Variants in TRAPPC9 observed in about 807,000 individuals in gnomAD.
TRAPPC9 encodes IKK2 binding protein.
Under a neutral mutation model 124.0 loss-of-function variants are expected in TRAPPC9, and 83 were observed. The ratio of observed to expected loss-of-function variants is 0.67; its 90% CI spans 0.56 to 0.80. TRAPPC9 has a LOEUF of 0.80. Ranked by LOEUF, TRAPPC9 falls within the 30% of genes least tolerant of loss-of-function variation. The pLI is 0.00. For missense variants in TRAPPC9, 1,302 were observed against 1,508.3 expected, an observed-to-expected ratio of 0.86 and a Z score of 2.27; for synonymous variants, 638 against 617.5, an observed-to-expected ratio of 1.03 and a Z score of -0.49.
In TRAPPC9 at chr8:139,849,547, A is replaced by G. The variant is rs1827314233; in HGVS notation, c.3055+36332T>C. ...GAATAACTATACTTTTATAATGTAA[A>G]TGTATTACATTACAATATTAAACAG... On this transcript the variant is annotated intron_variant, in intron 21 of 22. Transcript: ENST00000438773. Among the ~76,000 whole-genome samples the G allele has an allele frequency of 2.6e-5, 4 of 152,256 alleles. 1 individual carries two copies. The South Asian group carries it at 8.3e-4, about 32-fold the overall frequency.
intron 21 of TRAPPC9, among the ~76,000 whole-genome samples, chr8:139,878,846 G>A (rs1459871949): frequency 6.6e-6 from 1 of 152,238 alleles, no homozygotes; most frequent in Non-Finnish European, 1.5e-5. Context: ...TTAGCTGCGT[G>A]TGGTTGAAGC....
intron 17 of TRAPPC9, among the ~76,000 whole-genome samples, chr8:140,057,968 C>G (rs1004839875): frequency 6.6e-6 from 1 of 152,222 alleles, no homozygotes; most frequent in Non-Finnish European, 1.5e-5. Context: ...ACCTGCACCA[C>G]GCTGGGGGCA....
At chr8:140,448,169 T>G (rs1224566121) in intron 2 of TRAPPC9, among the ~76,000 whole-genome samples, 1 of 143,096 alleles carries the variant, frequency 7.0e-6, no homozygotes, top group Non-Finnish European at 1.5e-5. Context: ...AAAAAAAAAT[T>G]AGAGAACCAT....
At chr8:140,406,748 G>T (rs2069507015) in intron 5 of TRAPPC9, among the ~76,000 whole-genome samples, 1 of 152,228 alleles carries the variant, frequency 6.6e-6, no homozygotes, top group Admixed American at 6.5e-5. Flanking sequence ...GGTGAGGGAA[G>T]AAAGAACTGT....
intron 21 of TRAPPC9, among the ~76,000 whole-genome samples, chr8:139,876,857 T>C (rs776403642): frequency 6.6e-6 from 1 of 152,208 alleles, no homozygotes; most frequent in Non-Finnish European, 1.5e-5. Flanking sequence ...TGCTGTCCGC[T>C]ATACTCTCCT....
chr8:139,785,141 T>C (rs914962983), intron 21 of TRAPPC9, among the ~76,000 whole-genome samples: 2 of 152,230 alleles, frequency 1.3e-5, no homozygotes, highest in African/African-American at 2.4e-5. Flanking sequence ...GGACAAATGA[T>C]GTTTGACAAA....
At chr8:139,798,468 G>A (rs911497077) in intron 21 of TRAPPC9, among the ~76,000 whole-genome samples, 1 of 152,228 alleles carries the variant, frequency 6.6e-6, no homozygotes, top group Admixed American at 6.5e-5. Flanking sequence ...GGGTTGATGT[G>A]TAACCCAGGA....
At chr8:140,278,326 G>C (rs1459864658) in intron 14 of TRAPPC9, among the ~76,000 whole-genome samples, 1 of 152,046 alleles carries the variant, frequency 6.6e-6, no homozygotes, top group African/African-American at 2.4e-5. Flanking sequence ...GGCCGGTCTC[G>C]AACTCCTGAC....
intron 9 of TRAPPC9, 109 bp from the exon 10 acceptor site, chr8:140,311,483 G>A (rs1174841448): frequency 2.2e-6 from 3 of 1,355,708 alleles, no homozygotes; most frequent in Non-Finnish European, 3.1e-6. Flanking sequence ...CCAATCTTCT[G>A]ACAGAAATGA....
intron 7 of TRAPPC9, among the ~76,000 whole-genome samples, chr8:140,395,211 G>T (rs1021394165): frequency 3.3e-5 from 5 of 152,184 alleles, no homozygotes; most frequent in Non-Finnish European, 7.3e-5. Context: ...GTGGCCTACA[G>T]CTTTGAGGGA....
At chr8:139,816,501 G>A (rs1281691076) in intron 21 of TRAPPC9, among the ~76,000 whole-genome samples, 1 of 152,162 alleles carries the variant, frequency 6.6e-6, no homozygotes, top group Non-Finnish European at 1.5e-5. Flanking sequence ...CCCCATCTCA[G>A]TATGGAGATG....
At chr8:140,253,244 A>T (rs1488584426) in intron 15 of TRAPPC9, among the ~76,000 whole-genome samples, 1 of 152,168 alleles carries the variant, frequency 6.6e-6, no homozygotes, top group African/African-American at 2.4e-5. Context: ...TTGCTCTTAT[A>T]AACTAAATCA....
intron 21 of TRAPPC9, among the ~76,000 whole-genome samples, chr8:139,867,080 C>T (rs539724775): frequency 1.3e-5 from 2 of 152,300 alleles, no homozygotes; most frequent in South Asian, 2.1e-4. Context: ...GTGATCCGCC[C>T]GCCTTGGCCT....
intron 17 of TRAPPC9, among the ~76,000 whole-genome samples, chr8:140,115,040 G>C (rs370917895): frequency 1.3e-5 from 2 of 152,144 alleles, no homozygotes; most frequent in East Asian, 3.8e-4. Context: ...TAAAACTGCA[G>C]GTAATAAATG....
intron 21 of TRAPPC9, among the ~76,000 whole-genome samples, chr8:139,752,809 A>G (rs1439000781): frequency 6.8e-6 from 1 of 146,192 alleles, no homozygotes; most frequent in African/African-American, 2.6e-5. Context: ...ACTACCATCT[A>G]TCCACCATCC....
Position 140,072,492 on chromosome 8 carries a change from T to A in TRAPPC9, c.2557-48413A>T, listed in dbSNP as rs532131175. On this transcript the variant is annotated intron_variant, in intron 17 of 22. Transcript: ENST00000438773. The stretch of plus-strand genomic sequence containing the variant: ...GAGACTGCGCCACTGCACCCCAGTC[T>A]GGGCGACAGAGCGAGACTCCGTCTC... Among the ~76,000 whole-genome samples the A allele has an allele frequency of 1.3e-4, 19 of 142,688 alleles. No individual in the cohort carries two copies. The East Asian group carries it at 3.1e-3, about 23-fold the overall frequency. The allele number at this position is 142,688 out of a possible 152,430, so 93.6% of individuals were successfully genotyped here.
At chr8:140,452,120 CAAAA>C (rs534391613) in intron 1 of TRAPPC9, among the ~76,000 whole-genome samples, 1 of 83,894 alleles carries the variant, frequency 1.2e-5, no homozygotes, top group Admixed American at 1.4e-4. Flanking sequence ...GACTCCGTCT[CAAAA>C]AAAAAAAAAA....
intron 17 of TRAPPC9, among the ~76,000 whole-genome samples, chr8:140,217,912 G>C (rs2063234792): frequency 6.6e-6 from 1 of 152,100 alleles, no homozygotes; most frequent in South Asian, 2.1e-4. Flanking sequence ...AGCTACTGCA[G>C]AGGCTGAGGC....
intron 6 of TRAPPC9, among the ~76,000 whole-genome samples, chr8:140,401,415 G>T (rs1168600120): frequency 6.6e-6 from 1 of 152,070 alleles, no homozygotes; most frequent in Admixed American, 6.6e-5. Context: ...AATGAAGTCA[G>T]AAATCTATCA....
Sources: allele counts gnomAD v4.1 joint callset (sites outside exome capture counted in the v4.1 genomes callset), GRCh38; gene constraint gnomAD v4.1.1; transcripts MANE v1.5; gene names NCBI Gene and HGNC (gene_info 2026-07-23, HGNC 2026-07-21).